The following CCSER1 variants were observed in gnomAD, a reference collection of about 807,000 sequenced individuals.
CCSER1 encodes coiled-coil serine rich protein 1.
Under a neutral mutation model 82.0 loss-of-function variants are expected in CCSER1, and 41 were observed. The observed-to-expected ratio is 0.50, with a 90% CI of 0.39 to 0.65. The LOEUF (loss-of-function observed/expected upper bound fraction) is 0.65, where lower values mean the gene tolerates loss of function less well. CCSER1 is among the 30% of genes least tolerant of loss of function. CCSER1 has a pLI of 0.00. For missense variants in CCSER1, 1,119 were observed against 1,064.2 expected, an observed-to-expected ratio of 1.05 and a Z score of -0.72; for synonymous variants, 414 against 383.9, an observed-to-expected ratio of 1.08 and a Z score of -0.92.
intron 10 of CCSER1, among the ~76,000 whole-genome samples, chr4:91,403,506 A>T (rs1437531899): frequency 6.6e-6 from 1 of 152,104 alleles, no homozygotes; most frequent in East Asian, 1.9e-4. Context: ...GCTTTTGCCC[A>T]CTCAGTATGA....
intron 10 of CCSER1, among the ~76,000 whole-genome samples, chr4:91,144,589 G>A (rs1246317575): frequency 6.6e-6 from 1 of 150,488 alleles, no homozygotes; most frequent in African/African-American, 2.4e-5. Flanking sequence ...CTTGATGTAA[G>A]CATTTAGCAC....
intron 10 of CCSER1, among the ~76,000 whole-genome samples, chr4:91,482,621 G>T (rs1345456487): frequency 6.6e-6 from 1 of 151,914 alleles, no homozygotes; most frequent in Non-Finnish European, 1.5e-5. Flanking sequence ...TATAAATCAT[G>T]CTGCTATAAA....
At chr4:90,640,226 A>G (rs1314438847) in intron 6 of CCSER1, among the ~76,000 whole-genome samples, 1 of 152,172 alleles carries the variant, frequency 6.6e-6, no homozygotes, top group Non-Finnish European at 1.5e-5. Flanking sequence ...AAAGCCTAGA[A>G]TAGAAATAAC....
chr4:90,429,028 T>C (rs1370098089), intron 4 of CCSER1, among the ~76,000 whole-genome samples: 2 of 151,722 alleles, frequency 1.3e-5, no homozygotes, highest in African/African-American at 4.8e-5. Flanking sequence ...TTGAAACAAA[T>C]GTATCACACT....
rs938925187 is a variant in CCSER1 at position 90,371,075 on chromosome 4, A to G, written c.1510-28961A>G. 1.8e-4 allele frequency among the ~76,000 whole-genome samples: 27 copies of G among 152,026 alleles called. 1 individual carries two copies. The South Asian group carries it at 2.7e-3, about 15-fold the overall frequency. ...CAGGAAACAAACCCAGACCTTGCCTATAAATAACTGTCTAGTTTTAATCTG... is the reference window on the plus strand; with the variant it reads ...CAGGAAACAAACCCAGACCTTGCCTGTAAATAACTGTCTAGTTTTAATCTG... On this transcript the variant is annotated intron_variant, in intron 3 of 10. Coordinates refer to ENST00000509176, the MANE Select transcript of CCSER1 (RefSeq NM_001145065.2).
At chr4:91,441,871 A>C (rs1326666078) in intron 10 of CCSER1, among the ~76,000 whole-genome samples, 3 of 152,138 alleles carry the variant, frequency 2.0e-5, no homozygotes, top group Admixed American at 6.6e-5. Flanking sequence ...CCCATTCACA[A>C]TTGCTTCAAA....
chr4:90,175,053 A>G (rs889684740), intron 1 of CCSER1, among the ~76,000 whole-genome samples: 1 of 152,122 alleles, frequency 6.6e-6, no homozygotes, highest in Non-Finnish European at 1.5e-5. Context: ...AGACTCAGAC[A>G]TTTGTATTCA....
intron 1 of CCSER1, among the ~76,000 whole-genome samples, chr4:90,154,229 T>C (rs372469041): frequency 6.6e-6 from 1 of 152,244 alleles, no homozygotes; most frequent in Non-Finnish European, 1.5e-5. Context: ...TTCTGTTCCA[T>C]TGATCTATAT....
intron 1 of CCSER1, among the ~76,000 whole-genome samples, chr4:90,207,758 G>GCTGGAGTTTGCTTGAGTTTGCTTGAGGT (rs1739164715): frequency 6.6e-6 from 1 of 152,164 alleles, no homozygotes; most frequent in South Asian, 2.1e-4. Context: ...AGGCCCCTCT[G>GCTGGAGTTTGCTTGAGTTTGCTTGAGGT]CTGCAGGTCT....
intron 5 of CCSER1, among the ~76,000 whole-genome samples, chr4:90,598,601 T>G (rs1783654852): frequency 6.6e-6 from 1 of 152,230 alleles, no homozygotes; most frequent in Admixed American, 6.5e-5. Flanking sequence ...TGGCCATTTT[T>G]ATGTCTTCTT....
At chr4:90,755,771 G>A (rs549432715) in intron 7 of CCSER1, among the ~76,000 whole-genome samples, 1 of 152,148 alleles carries the variant, frequency 6.6e-6, no homozygotes, top group Non-Finnish European at 1.5e-5. Context: ...ATTTGTGAAT[G>A]AAAGGACATT....
intron 1 of CCSER1, among the ~76,000 whole-genome samples, chr4:90,286,471 A>G (rs768797412): frequency 1.3e-5 from 2 of 152,058 alleles, no homozygotes; most frequent in East Asian, 3.9e-4. Context: ...AGTTTGTGCC[A>G]CTTACACAGT....
intron 10 of CCSER1, among the ~76,000 whole-genome samples, chr4:91,366,422 A>T (rs1578276678): frequency 6.6e-6 from 1 of 152,326 alleles, no homozygotes; most frequent in East Asian, 1.9e-4. Flanking sequence ...TTTTACTGTG[A>T]ATCTCTAAAC....
At chr4:90,297,560 C>T (rs914145022) in intron 1 of CCSER1, among the ~76,000 whole-genome samples, 96 of 147,852 alleles carry the variant, frequency 6.5e-4, no homozygotes, top group Non-Finnish European at 9.6e-4. Flanking sequence ...GAGGGCATCC[C>T]TGTCTTGTGC....
At chr4:90,880,040 C>A (rs572218016) in intron 8 of CCSER1, among the ~76,000 whole-genome samples, 1 of 152,216 alleles carries the variant, frequency 6.6e-6, no homozygotes, top group Non-Finnish European at 1.5e-5. Context: ...CAGTAGGTGG[C>A]ACTTAGGCAT....
intron 6 of CCSER1, among the ~76,000 whole-genome samples, chr4:90,720,624 A>G (rs1299205055): frequency 2.0e-5 from 3 of 152,062 alleles, no homozygotes; most frequent in South Asian, 4.1e-4. Context: ...TAAATTTTAT[A>G]TTGTTAGATA....
intron 7 of CCSER1, among the ~76,000 whole-genome samples, chr4:90,810,895 C>T (rs958288133): frequency 1.0e-4 from 14 of 135,836 alleles, no homozygotes; most frequent in Admixed American, 3.3e-4. Flanking sequence ...TGCAGTGGCG[C>T]GATCTCGGCT....
intron 3 of CCSER1, among the ~76,000 whole-genome samples, chr4:90,371,055 A>G (rs1264217993): frequency 1.3e-5 from 2 of 151,982 alleles, no homozygotes; most frequent in African/African-American, 4.8e-5. Flanking sequence ...TATCACAGGA[A>G]ACAAACCCAG....
At chr4:90,142,740 A>C (rs1461625694) in intron 1 of CCSER1, among the ~76,000 whole-genome samples, 1 of 151,854 alleles carries the variant, frequency 6.6e-6, no homozygotes, top group Admixed American at 6.6e-5. Context: ...TAAAGAGAAA[A>C]TTTATGTATT....
Sources: gnomAD v4.1 joint callset for allele counts (sites outside exome capture counted in the v4.1 genomes callset) on GRCh38, gnomAD v4.1.1 for gene constraint, MANE v1.5 for transcripts, NCBI Gene and HGNC (gene_info 2026-07-23, HGNC 2026-07-21) for gene names.